ERC1: variants seen among roughly 807,000 people sequenced by gnomAD.
ERC1 encodes the protein ELKS/RAB6-interacting/CAST family member 1.
ERC1 carries 56 observed loss-of-function variants against 132.0 expected under a neutral mutation model. The observed-to-expected ratio is 0.42, with a 90% CI of 0.34 to 0.53. The LOEUF (loss-of-function observed/expected upper bound fraction) is 0.53, where lower values mean the gene tolerates loss of function less well. Among genes scored for constraint, ERC1 ranks in the 20% least tolerant of loss-of-function variants. The probability of loss-of-function intolerance (pLI) is 0.03; values close to 1 mark genes in which losing one functional copy is unlikely to be tolerated. For missense variants in ERC1, 1,202 were observed against 1,349.9 expected (o/e 0.89, Z 1.72); for synonymous variants, 478 against 476.1 (o/e 1.00, Z -0.05).
In ERC1 at chr12:1,495,608, C is replaced by T. The variant is rs1392325801; in HGVS notation, c.*5378C>T. ...GGGCATTGCAGGATATCCAGTGGGG[C>T]CTGTGACTGCTCCCTGATGCGTCAG... On this transcript the variant is annotated 3_prime_UTR_variant, in exon 19 of 19. Coordinates refer to ENST00000360905, the MANE Select transcript of ERC1 (RefSeq NM_178040.4). 8 of 227,452 alleles carry T rather than the reference C, an allele frequency of 3.5e-5. No individual in the cohort carries two copies. Among genetic ancestry groups the T allele is most frequent in the Non-Finnish European group, 6.1e-5 (7 of 114,440 alleles). 14.1% of individuals were successfully genotyped at this position (227,452 alleles called of 1,614,324 possible). A position where few individuals can be genotyped will look rare whatever the true frequency, so the allele number is the denominator to read the frequency against.
chr12:1,118,183 G>A (rs1230357230), intron 7 of ERC1, among the ~76,000 whole-genome samples: 2 of 152,210 alleles, frequency 1.3e-5, no homozygotes, highest in Admixed American at 1.3e-4. Flanking sequence ...GGGTGCCAGT[G>A]TTCTAGAGGT....
chr12:1,362,942 A>G (rs1224289549), intron 15 of ERC1, among the ~76,000 whole-genome samples: 1 of 152,238 alleles, frequency 6.6e-6, no homozygotes, highest in Non-Finnish European at 1.5e-5. Flanking sequence ...AACATTCCTC[A>G]TTCAGAAGAT....
At chr12:1,216,458 T>C (rs1329454862) in intron 12 of ERC1, among the ~76,000 whole-genome samples, 1 of 152,076 alleles carries the variant, frequency 6.6e-6, no homozygotes, top group Non-Finnish European at 1.5e-5. Flanking sequence ...TAAATTAGTT[T>C]TTAAGCTGAG....
Position 1,185,677 on chromosome 12 carries a change from A to G in ERC1, c.2157+2256A>G, listed in dbSNP as rs1213144589. Among the ~76,000 whole-genome samples the G allele has an allele frequency of 4.0e-5, 6 of 151,218 alleles. No homozygotes were observed. The East Asian group carries it at 9.7e-4, about 24-fold the overall frequency. On this transcript the variant is annotated intron_variant, in intron 11 of 18. Coordinates refer to ENST00000360905, the MANE Select transcript of ERC1 (RefSeq NM_178040.4). ...GACATTTTTATCACCCTATAGATAAATGAATATACTTAACCTTCTCACCTC... is the reference window on the plus strand; with the variant it reads ...GACATTTTTATCACCCTATAGATAAGTGAATATACTTAACCTTCTCACCTC...
chr12:1,045,266 A>G (rs7979631), intron 2 of ERC1, among the ~76,000 whole-genome samples: 14,632 of 152,114 alleles, frequency 0.096, 1,043 homozygotes, highest in African/African-American at 0.2. Flanking sequence ...CACTGACATT[A>G]AAATTGTAGC....
chr12:1,287,796 T>C (rs1045985376), intron 14 of ERC1, among the ~76,000 whole-genome samples: 9 of 152,198 alleles, frequency 5.9e-5, no homozygotes, highest in African/African-American at 2.2e-4. Context: ...GTTCACCCTA[T>C]AGATCTTGTG....
chr12:1,025,066 G>A (rs891130364), intron 1 of ERC1, among the ~76,000 whole-genome samples: 3 of 152,096 alleles, frequency 2.0e-5, no homozygotes, highest in Non-Finnish European at 2.9e-5. Context: ...TGGGATTTTT[G>A]TTGTCTGGGG....
At chr12:1,173,291 C>T (rs1313784406) in intron 8 of ERC1, among the ~76,000 whole-genome samples, 1 of 152,080 alleles carries the variant, frequency 6.6e-6, no homozygotes, top group Non-Finnish European at 1.5e-5. Context: ...ATCATTGTTC[C>T]ATATAAAGTC....
chr12:1,044,320 A>G (rs1474680938), intron 2 of ERC1, among the ~76,000 whole-genome samples: 1 of 152,226 alleles, frequency 6.6e-6, no homozygotes, highest in Non-Finnish European at 1.5e-5. Context: ...ATTCTCTAAG[A>G]GTCTGTTCAC....
chr12:1,033,818 C>A (rs753723464), intron 2 of ERC1, among the ~76,000 whole-genome samples: 6 of 152,028 alleles, frequency 3.9e-5, no homozygotes, highest in Admixed American at 2.0e-4. Flanking sequence ...TTAGTAGAGA[C>A]GGGATTTTGC....
intron 2 of ERC1, among the ~76,000 whole-genome samples, chr12:1,049,843 C>G (rs112118326): frequency 0.11 from 16,989 of 150,830 alleles, 1,123 homozygotes; most frequent in Admixed American, 0.19. Context: ...ACCTCCACCT[C>G]CCGGGTTCAA....
intron 7 of ERC1, among the ~76,000 whole-genome samples, chr12:1,127,331 A>G (rs1488836385): frequency 1.3e-5 from 2 of 152,148 alleles, no homozygotes; most frequent in African/African-American, 4.8e-5. Context: ...GGACATGTAT[A>G]AGGATGTTCA....
intron 1 of ERC1, among the ~76,000 whole-genome samples, chr12:1,008,799 GA>G (rs1252803930): frequency 6.6e-6 from 1 of 152,120 alleles, no homozygotes; most frequent in African/African-American, 2.4e-5. Context: ...TCCAGTAATG[GA>G]ATTAAGTATC....
At chr12:1,156,871 G>A (rs1263964223) in intron 8 of ERC1, among the ~76,000 whole-genome samples, 1 of 152,002 alleles carries the variant, frequency 6.6e-6, no homozygotes, top group Non-Finnish European at 1.5e-5. Flanking sequence ...TCTGTTTGAT[G>A]ATGTATTTTT....
At chr12:1,120,914 G>A (rs751931122) in intron 7 of ERC1, among the ~76,000 whole-genome samples, 1 of 152,094 alleles carries the variant, frequency 6.6e-6, no homozygotes, top group African/African-American at 2.4e-5. Context: ...GTTGTTTGAC[G>A]TGCACCCTCT....
At position 1,363,912 on chromosome 12, in the gene ERC1, A is replaced by C. The variant is rs193031255; in HGVS notation, c.2781-7921A>C. On this transcript the variant is annotated intron_variant, in intron 15 of 18. Coordinates refer to ENST00000360905, the MANE Select transcript of ERC1 (RefSeq NM_178040.4). ...TTTCCCTTGTTTCAGGAGATAGAGA[A>C]ACATGAGATGAGCAGCAAGTGAGAA... Among the ~76,000 whole-genome samples, 250 of 152,314 alleles carry C rather than the reference A, an allele frequency of 1.6e-3. 2 individuals carry two copies. The highest frequency in any genetic ancestry group is 2.4e-4 in the Non-Finnish European group (16 of 68,018).
chr12:1,180,426 GCA>G, intron 8 of ERC1, 112 bp from the exon 9 acceptor site: 2 of 849,284 alleles, frequency 2.4e-6, no homozygotes, highest in African/African-American at 1.7e-5. Context: ...TCTACAGAAT[GCA>G]CACACACAGA....
intron 18 of ERC1, among the ~76,000 whole-genome samples, chr12:1,467,672 C>A (rs1318163276): frequency 2.0e-5 from 3 of 152,154 alleles, no homozygotes; most frequent in African/African-American, 7.2e-5. Context: ...CACTTTATTT[C>A]TGTTATTATT....
At chr12:1,489,735 G>A (rs192986232) in intron 18 of ERC1, among the ~76,000 whole-genome samples, 2 of 152,244 alleles carry the variant, frequency 1.3e-5, no homozygotes, top group Admixed American at 1.3e-4. Flanking sequence ...GGCGAGGGTC[G>A]CTCCACAAGG....
Sources: gnomAD v4.1 joint callset for allele counts (sites outside exome capture counted in the v4.1 genomes callset) on GRCh38, gnomAD v4.1.1 for gene constraint, MANE v1.5 for transcripts, NCBI Gene and HGNC (gene_info 2026-07-23, HGNC 2026-07-21) for gene names.